The following C10orf90 variants were observed in gnomAD, a reference collection of about 807,000 sequenced individuals.
The protein encoded by C10orf90 is chromosome 10 open reading frame 90, also known as (E2-independent) E3 ubiquitin-conjugating enzyme FATS.
Under a neutral mutation model 62.5 loss-of-function variants are expected in C10orf90, and 56 were observed. The observed-to-expected ratio is 0.90, with a 90% CI of 0.72 to 1.12. The LOEUF (loss-of-function observed/expected upper bound fraction) is 1.12, where lower values mean the gene tolerates loss of function less well. Among genes scored for constraint, C10orf90 ranks in the 50% most tolerant of loss-of-function variants. The pLI, the probability that C10orf90 is intolerant of heterozygous loss-of-function variation, is 0.00. For synonymous variants in C10orf90, 386 were observed against 340.4 expected (o/e 1.13, Z -1.47); for missense variants, 970 against 880.4 (o/e 1.10, Z -1.29).
In C10orf90 at chr10:126,547,363, G is replaced by A. The variant is rs542230113; in HGVS notation, c.314-33424C>T. Reference sequence around the variant, plus strand: ...GAACCCGGGAGGCGGAGCTTGCAGTGAGCCAAGATCGTGCCACTGCACTCC... The same window carrying A: ...GAACCCGGGAGGCGGAGCTTGCAGTAAGCCAAGATCGTGCCACTGCACTCC... On this transcript the variant is annotated intron_variant, in intron 2 of 9. Transcript: ENST00000488181. Among the ~76,000 whole-genome samples, 198 of 151,894 alleles carry A rather than the reference G, an allele frequency of 1.3e-3. 1 individual carries two copies. The South Asian group carries it at 0.018, about 13-fold the overall frequency.
rs546997110 is a variant in C10orf90 at position 126,453,352 on chromosome 10, TGAA to T, written c.2188+5685_2188+5687del. 2.6e-5 allele frequency among the ~76,000 whole-genome samples: 4 copies of T among 152,034 alleles called. No individual in the cohort carries two copies. The highest frequency in any genetic ancestry group is 2.6e-4 in the Admixed American group (4 of 15,278). ...ACAACCACACAACCTTAAGCCAAAG[TGAA>T]GAAGGGAAGAAGGCAGGTGATCTGG... On this transcript the variant is annotated intron_variant, in intron 7 of 9. Transcript: ENST00000488181. The surrounding 1 kb of genome is among the most constrained non-coding windows in gnomAD (Gnocchi z 4.9).
intron 7 of C10orf90, among the ~76,000 whole-genome samples, chr10:126,450,008 A>G (rs1859065100): frequency 1.3e-5 from 2 of 151,902 alleles, no homozygotes; most frequent in African/African-American, 4.8e-5. Flanking sequence ...AAAAAAAAAA[A>G]ATCAGTAGCA....
At chr10:126,637,762 G>C (rs1180581088) in intron 2 of C10orf90, among the ~76,000 whole-genome samples, 1 of 152,172 alleles carries the variant, frequency 6.6e-6, no homozygotes, top group East Asian at 1.9e-4. Flanking sequence ...CAGGGTGCAG[G>C]ACCCAGGGCC....
rs190860099 is a variant in C10orf90 at position 126,425,491 on chromosome 10, T to C, written c.*373A>G. ...ATGGATTTGGATCCCAAAAGTTTGA[T>C]GTAAAAGATTCCCCAGGGATGTAAA... On this transcript the variant is annotated 3_prime_UTR_variant, in exon 10 of 10. Transcript: ENST00000488181. 1 of 248,542 alleles carries C rather than the reference T, an allele frequency of 4.0e-6. No individual in the cohort carries two copies. Among genetic ancestry groups the C allele is most frequent in the Admixed American group, 5.1e-5 (1 of 19,684 alleles). The allele number at this position is 248,542 out of a possible 1,614,324, so 15.4% of individuals were successfully genotyped here. A position where few individuals can be genotyped will look rare whatever the true frequency, so the allele number is the denominator to read the frequency against.
At chr10:126,465,447 T>C (rs1860230124) in intron 4 of C10orf90, among the ~76,000 whole-genome samples, 1 of 151,550 alleles carries the variant, frequency 6.6e-6, no homozygotes, top group Admixed American at 6.6e-5. Context: ...TAACAACATA[T>C]CTATATTATT....
intron 2 of C10orf90, among the ~76,000 whole-genome samples, chr10:126,560,993 T>A (rs1864888645): frequency 6.6e-6 from 1 of 152,204 alleles, no homozygotes; most frequent in Non-Finnish European, 1.5e-5. Flanking sequence ...ACAAAGCCTA[T>A]GTTGGGAGTA....
At chr10:126,535,647 T>TA (rs995348048) in intron 2 of C10orf90, among the ~76,000 whole-genome samples, 14 of 151,720 alleles carry the variant, frequency 9.2e-5, no homozygotes, top group South Asian at 2.1e-4. Context: ...GTATAATAAT[T>TA]AAAAAAAAAT....
chr10:126,527,983 T>C (rs1194092863), intron 2 of C10orf90, among the ~76,000 whole-genome samples: 1 of 152,198 alleles, frequency 6.6e-6, no homozygotes, highest in African/African-American at 2.4e-5. Flanking sequence ...TTTAACATTT[T>C]TACCCTTGAT....
At chr10:126,622,612 T>C (rs1845668437) in intron 2 of C10orf90, among the ~76,000 whole-genome samples, 1 of 152,186 alleles carries the variant, frequency 6.6e-6, no homozygotes, top group Non-Finnish European at 1.5e-5. Flanking sequence ...CTGTCAATAG[T>C]GCTAAGGTTG....
intron 7 of C10orf90, among the ~76,000 whole-genome samples, chr10:126,458,156 G>C (rs1009826201): frequency 2.6e-5 from 4 of 152,088 alleles, no homozygotes; most frequent in African/African-American, 9.7e-5. Context: ...AGTCCCCCAG[G>C]CACCCAGAAT....
At chr10:126,501,067 A>G (rs1184307955) in intron 4 of C10orf90, among the ~76,000 whole-genome samples, 1 of 152,256 alleles carries the variant, frequency 6.6e-6, no homozygotes, top group Non-Finnish European at 1.5e-5. Flanking sequence ...GTGTAACCAC[A>G]GGAGGCTGTC....
At chr10:126,497,865 G>T (rs1030529095) in intron 4 of C10orf90, among the ~76,000 whole-genome samples, 1 of 152,148 alleles carries the variant, frequency 6.6e-6, no homozygotes, top group Admixed American at 6.5e-5. Flanking sequence ...GCTGGACTCG[G>T]CCTCCTGGTG....
intron 1 of C10orf90, among the ~76,000 whole-genome samples, chr10:126,655,048 C>T (rs547529154): frequency 9.2e-5 from 14 of 152,218 alleles, no homozygotes; most frequent in South Asian, 2.1e-4. Flanking sequence ...AGGCCGGGCG[C>T]GGTGGCTCAC....
intron 7 of C10orf90, among the ~76,000 whole-genome samples, chr10:126,441,319 C>T (rs1199325535): frequency 6.6e-6 from 1 of 151,884 alleles, no homozygotes; most frequent in Non-Finnish European, 1.5e-5. Flanking sequence ...TGAATTAACC[C>T]AACCCAACAA....
At chr10:126,501,173 A>G (rs931274152) in intron 4 of C10orf90, among the ~76,000 whole-genome samples, 2 of 152,198 alleles carry the variant, frequency 1.3e-5, no homozygotes, top group Admixed American at 6.5e-5. Context: ...AAGCTCTTGC[A>G]TTAAGGCTAA....
At chr10:126,602,645 A>G (rs546434171) in intron 2 of C10orf90, among the ~76,000 whole-genome samples, 1 of 152,254 alleles carries the variant, frequency 6.6e-6, no homozygotes, top group East Asian at 1.9e-4. Context: ...GAGTGCTTTG[A>G]ATATGATCTG....
Position 126,531,523 on chromosome 10 carries a change from A to ATTTATCCCAACCAAGTAGAG in C10orf90, c.314-17604_314-17585dup, listed in dbSNP as rs1483315848. Among the ~76,000 whole-genome samples, 7 of 152,362 alleles carry ATTTATCCCAACCAAGTAGAG rather than the reference A, an allele frequency of 4.6e-5. No individual in the cohort carries two copies. The East Asian group carries it at 1.4e-3, about 29-fold the overall frequency. On this transcript the variant is annotated intron_variant, in intron 2 of 9. Transcript: ENST00000488181. ...ATCCAACAATGTATAAACAAGATAT[A>ATTTATCCCAACCAAGTAGAG]TTTATCCCAACCAAGTAGAGTTTAT... is the stretch of plus-strand genomic sequence containing the variant.
At chr10:126,643,929 C>T (rs1358404233) in intron 2 of C10orf90, among the ~76,000 whole-genome samples, 3 of 152,180 alleles carry the variant, frequency 2.0e-5, no homozygotes, top group African/African-American at 4.8e-5. Flanking sequence ...CCAGAGGGCA[C>T]AGGTGGCTGC....
At chr10:126,552,713 G>C in intron 2 of C10orf90, among the ~76,000 whole-genome samples, 1 of 152,358 alleles carries the variant, frequency 6.6e-6, no homozygotes, top group South Asian at 2.1e-4. Context: ...AGTACCTGCC[G>C]CGCATATGCG....
Sources: allele counts gnomAD v4.1 joint callset (sites outside exome capture counted in the v4.1 genomes callset), GRCh38; gene constraint gnomAD v4.1.1; non-coding constraint Gnocchi (gnomAD v3.1); transcripts MANE v1.5; gene names NCBI Gene and HGNC (gene_info 2026-07-23, HGNC 2026-07-21).